DGKI: variants seen among roughly 807,000 people sequenced by gnomAD.
DGKI encodes diacylglycerol kinase iota.
DGKI carries 55 observed loss-of-function variants against 147.5 expected under a neutral mutation model. That is an observed-to-expected ratio of 0.37 (90% CI 0.30 to 0.47). The LOEUF (loss-of-function observed/expected upper bound fraction) is 0.47, where lower values mean the gene tolerates loss of function less well. Ranked by LOEUF, DGKI falls within the 20% of genes least tolerant of loss-of-function variation. The pLI, the probability that DGKI is intolerant of heterozygous loss-of-function variation, is 1.00. For missense variants in DGKI, 1,007 were observed against 1,323.8 expected, an observed-to-expected ratio of 0.76 and a Z score of 3.71; for synonymous variants, 469 against 477.1, an observed-to-expected ratio of 0.98 and a Z score of 0.22.
chr7:137,462,877 G>T (rs1040647127), intron 27 of DGKI, among the ~76,000 whole-genome samples: 4 of 152,172 alleles, frequency 2.6e-5, no homozygotes, highest in Non-Finnish European at 5.9e-5. Flanking sequence ...CGACACTGCT[G>T]TGAAACTTCA....
At chr7:137,409,660 CT>C (rs1316168681) in intron 29 of DGKI, among the ~76,000 whole-genome samples, 1 of 152,216 alleles carries the variant, frequency 6.6e-6, no homozygotes, top group Non-Finnish European at 1.5e-5. Context: ...TAAAATGACA[CT>C]CCCTTTCTTT....
chr7:137,647,399 T>A (rs2129009102), intron 5 of DGKI, among the ~76,000 whole-genome samples: 1 of 152,332 alleles, frequency 6.6e-6, no homozygotes, highest in African/African-American at 2.4e-5. Flanking sequence ...ATTTCTGACA[T>A]AATAGGTCTC....
At chr7:137,837,965 C>G (rs1428779331) in intron 1 of DGKI, among the ~76,000 whole-genome samples, 1 of 148,116 alleles carries the variant, frequency 6.8e-6, no homozygotes, top group Non-Finnish European at 1.5e-5. Flanking sequence ...TTAGTCTTTG[C>G]ATTGAGAGGG....
chr7:137,398,106 C>CT (rs1407932575), intron 30 of DGKI, among the ~76,000 whole-genome samples: 2 of 152,100 alleles, frequency 1.3e-5, no homozygotes, highest in Admixed American at 6.5e-5. Context: ...TCCAATGAGA[C>CT]TTTTTTTCCC....
chr7:137,397,902 A>G (rs2128894617), intron 30 of DGKI, among the ~76,000 whole-genome samples: 1 of 152,328 alleles, frequency 6.6e-6, no homozygotes, highest in East Asian at 1.9e-4. Flanking sequence ...AAGAAATACT[A>G]TGCATATACA....
chr7:137,479,370 T>C lies in DGKI; in HGVS notation c.2373+6004A>G, dbSNP rs150974155. Among the ~76,000 whole-genome samples the C allele has an allele frequency of 3.3e-5, 5 of 152,294 alleles. No individual in the cohort carries two copies. The East Asian group carries it at 9.6e-4, about 29-fold the overall frequency. On this transcript the variant is annotated intron_variant, in intron 23 of 32. Coordinates refer to ENST00000614521, the MANE Select transcript of DGKI (RefSeq NM_001321708.2). ...GATATATATTAATGGAAAATACGTT[T>C]CTTGTGCTAAAAATATAGGCACATG...
intron 30 of DGKI, among the ~76,000 whole-genome samples, chr7:137,405,113 C>T (rs1160234666): frequency 6.6e-6 from 1 of 151,970 alleles, no homozygotes; most frequent in Middle Eastern, 3.2e-3. Flanking sequence ...CATTCATGTC[C>T]CTGGGGCACA....
At chr7:137,757,943 G>A (rs1795738770) in intron 1 of DGKI, among the ~76,000 whole-genome samples, 1 of 152,206 alleles carries the variant, frequency 6.6e-6, no homozygotes, top group Admixed American at 6.5e-5. Context: ...GAGAGAGCTT[G>A]TTCCCCTCTG....
chr7:137,716,329 T>C (rs541446055), intron 1 of DGKI, among the ~76,000 whole-genome samples: 1 of 152,218 alleles, frequency 6.6e-6, no homozygotes, highest in Non-Finnish European at 1.5e-5. Context: ...TTTAAATGAC[T>C]GTAAAAATTT....
intron 6 of DGKI, among the ~76,000 whole-genome samples, chr7:137,637,887 A>G (rs982763146): frequency 6.6e-6 from 1 of 152,076 alleles, no homozygotes; most frequent in Non-Finnish European, 1.5e-5. Context: ...TCTGACATCA[A>G]TATTTCATGT....
chr7:137,420,734 T>C (rs146651662), intron 28 of DGKI, among the ~76,000 whole-genome samples: 1 of 152,190 alleles, frequency 6.6e-6, no homozygotes, highest in Admixed American at 6.5e-5. Flanking sequence ...AATAATCAGA[T>C]GTGACCGAGC....
At chr7:137,454,690 T>C (rs1563028449) in intron 27 of DGKI, 1 of 151,652 alleles carries the variant, frequency 6.6e-6, no homozygotes, top group East Asian at 1.9e-4. Flanking sequence ...GCCCACTTTC[T>C]AAAAAAAAGG....
At chr7:137,702,938 C>A (rs2116519911) in intron 1 of DGKI, among the ~76,000 whole-genome samples, 1 of 152,238 alleles carries the variant, frequency 6.6e-6, no homozygotes, top group South Asian at 2.1e-4. Flanking sequence ...AAGCAAAAAT[C>A]TTAAAAGGAA....
intron 1 of DGKI, among the ~76,000 whole-genome samples, chr7:137,707,850 T>A (rs542505348): frequency 2.0e-5 from 3 of 152,328 alleles, no homozygotes; most frequent in African/African-American, 7.2e-5. Flanking sequence ...CTGACCAAGA[T>A]CTTGTTAGAT....
chr7:137,436,865 A>T (rs891163361), intron 28 of DGKI, among the ~76,000 whole-genome samples: 5 of 152,232 alleles, frequency 3.3e-5, no homozygotes, highest in Non-Finnish European at 7.3e-5. Flanking sequence ...AATTAGTAAA[A>T]TGCACCATAT....
intron 15 of DGKI, among the ~76,000 whole-genome samples, chr7:137,581,435 T>A (rs939480816): frequency 3.3e-5 from 5 of 152,164 alleles, no homozygotes; most frequent in Non-Finnish European, 7.4e-5. Context: ...TTTCAATGGC[T>A]GTGGTTGTGT....
At chr7:137,763,026 T>A (rs559375595) in intron 1 of DGKI, among the ~76,000 whole-genome samples, 1 of 152,250 alleles carries the variant, frequency 6.6e-6, no homozygotes, top group African/African-American at 2.4e-5. Context: ...TTGATTTCCA[T>A]GTTCTCTTTA....
chr7:137,755,586 C>G lies in DGKI; in HGVS notation c.402-65584G>C, dbSNP rs574120177. ...GGGCATTGAATTGCCAAATAAACCA[C>G]AGTCCTCATCTGAAAAATCTTGTAA... On this transcript the variant is annotated intron_variant, in intron 1 of 32. Coordinates refer to ENST00000614521, the MANE Select transcript of DGKI (RefSeq NM_001321708.2). 7.9e-5 allele frequency among the ~76,000 whole-genome samples: 12 copies of G among 152,306 alleles called. No individual in the cohort carries two copies. The South Asian group carries it at 2.3e-3, about 29-fold the overall frequency.
At chr7:137,415,272 T>C (rs965692487) in intron 28 of DGKI, among the ~76,000 whole-genome samples, 4 of 152,116 alleles carry the variant, frequency 2.6e-5, no homozygotes, top group African/African-American at 9.7e-5. Flanking sequence ...CAAAAAATAA[T>C]AATAATGATA....
Sources: gnomAD v4.1 joint callset for allele counts (sites outside exome capture counted in the v4.1 genomes callset) on GRCh38, gnomAD v4.1.1 for gene constraint, MANE v1.5 for transcripts, NCBI Gene and HGNC (gene_info 2026-07-23, HGNC 2026-07-21) for gene names.